The following LRRC27 variants were observed in gnomAD, a reference collection of about 807,000 sequenced individuals.
LRRC27 encodes the protein leucine-rich repeat-containing protein 27.
A neutral mutation model predicts 55.0 loss-of-function variants in LRRC27; 57 were observed. The observed-to-expected ratio is 1.04, with a 90% CI of 0.84 to 1.29. LRRC27 has a LOEUF of 1.29. Among genes scored for constraint, LRRC27 ranks in the 50% most tolerant of loss-of-function variants. The pLI is 0.00. For missense variants in LRRC27, 721 were observed against 651.5 expected (o/e 1.11, Z -1.16); for synonymous variants, 278 against 251.9 (o/e 1.10, Z -0.98).
At chr10:132,351,168 A>G in intron 6 of LRRC27, 1 of 168,080 alleles carries the variant, frequency 5.9e-6, no homozygotes, top group Non-Finnish European at 1.3e-5. Flanking sequence ...CTGCTGCAGC[A>G]CCACCCCATG....
intron 7 of LRRC27, chr10:132,352,750 C>T (rs2068111818): frequency 7.4e-6 from 7 of 949,038 alleles, no homozygotes; most frequent in Admixed American, 2.1e-5. Flanking sequence ...TGTTTGCAGC[C>T]CCGAGGCCTC....
intron 2 of LRRC27, among the ~76,000 whole-genome samples, chr10:132,336,475 G>A (rs1289036638): frequency 1.3e-5 from 2 of 152,220 alleles, no homozygotes; most frequent in Non-Finnish European, 2.9e-5. Flanking sequence ...TTTCCAGTCA[G>A]TGTTTCTCCA....
In LRRC27 at chr10:132,348,259, G is replaced by T. The variant is rs145852868; in HGVS notation, c.829G>T (p.Val277Phe). ...QEIVEHVKAD[V>F]LGDQLLTREL... is the part of the protein sequence containing the mutation. ...GATTGTTGAGCACGTGAAGGCAGAC[G>T]TTCTGGGAGATCAGCTCTTGACGAG... The change falls in exon 6 of 11, where the codon GTT becomes TTT. Residue 277 changes from valine (V) to phenylalanine (F), a missense_variant. Transcript: ENST00000368614. The surrounding 1 kb of genome is among the most constrained non-coding windows in gnomAD (Gnocchi z 4.2). 2.5e-6 allele frequency: 4 copies of T among 1,613,960 alleles called. No homozygotes were observed. Among genetic ancestry groups the T allele is most frequent in the African/African-American group, 1.3e-5 (1 of 74,926 alleles).
At chr10:132,373,016 C>T (rs1302598826) in intron 10 of LRRC27, among the ~76,000 whole-genome samples, 1 of 152,054 alleles carries the variant, frequency 6.6e-6, no homozygotes, top group Non-Finnish European at 1.5e-5. Context: ...CGAATGGATG[C>T]GAACATTAGG....
chr10:132,360,827 T>C (rs2068579658), intron 8 of LRRC27, among the ~76,000 whole-genome samples: 1 of 152,148 alleles, frequency 6.6e-6, no homozygotes, highest in East Asian at 1.9e-4. Context: ...CTCCTACCTG[T>C]TTTTGTCATC....
rs1471319359 is a variant in LRRC27, at chr10:132,364,396, T to C, written c.1290-1028T>C. Among the ~76,000 whole-genome samples the C allele has an allele frequency of 8.3e-4, 61 of 73,914 alleles. 1 individual carries two copies. Among genetic ancestry groups the C allele is most frequent in the East Asian group, 8.0e-3 (12 of 1,504 alleles). 48.5% of individuals were successfully genotyped at this position (73,914 alleles called of 152,430 possible). A position where few individuals can be genotyped will look rare whatever the true frequency, so the allele number is the denominator to read the frequency against. On this transcript the variant is annotated intron_variant, in intron 9 of 10. Transcript: ENST00000368614. Reference sequence around the variant, plus strand: ...ACCCACCCACACTTACACCCACCCTTACATCTACCTCCACACCCGCGCTTA... The same window carrying C: ...ACCCACCCACACTTACACCCACCCTCACATCTACCTCCACACCCGCGCTTA...
chr10:132,346,537 G>A (rs1283207350), intron 5 of LRRC27, among the ~76,000 whole-genome samples: 4 of 152,178 alleles, frequency 2.6e-5, no homozygotes, highest in South Asian at 2.1e-4. Flanking sequence ...TTAGTTGGGC[G>A]TGGTCGTGGG....
intron 10 of LRRC27, chr10:132,366,694 C>T (rs1564857783): frequency 7.1e-6 from 3 of 423,452 alleles, no homozygotes; most frequent in Non-Finnish European, 7.0e-6. Context: ...GTACCATGCC[C>T]GAACACAGGT....
chr10:132,338,233 T>C (rs375023811), intron 3 of LRRC27, among the ~76,000 whole-genome samples: 1 of 152,102 alleles, frequency 6.6e-6, no homozygotes, highest in East Asian at 1.9e-4. Flanking sequence ...GGAGAATTGC[T>C]TGACCCCAGG....
intron 10 of LRRC27, chr10:132,366,906 C>T: frequency 7.8e-7 from 1 of 1,285,286 alleles, no homozygotes; most frequent in Non-Finnish European, 1.0e-6. Context: ...ATGGAGACCC[C>T]ACCCAACCTG....
Position 132,380,703 on chromosome 10 carries a change from G to A in LRRC27, c.*5461G>A, listed in dbSNP as rs527873700. ...GATGTTCTTGTGTATTTTTCATGTT[G>A]AGCGCAATACTGTAAACCTTGAAGA... On this transcript the variant is annotated 3_prime_UTR_variant, in exon 11 of 11. Transcript: ENST00000368614. Among the ~76,000 whole-genome samples the A allele has an allele frequency of 3.0e-3, 464 of 152,294 alleles. 1 individual carries two copies. The highest frequency in any genetic ancestry group is 6.8e-3 in the Middle Eastern group (2 of 294).
upstream of LRRC27, chr10:132,331,829 C>T: frequency 6.5e-7 from 1 of 1,538,252 alleles, no homozygotes; most frequent in Non-Finnish European, 8.8e-7. Context: ...CCTTCAAGGC[C>T]GCGGGCGCGG....
At chr10:132,345,011 C>A in intron 5 of LRRC27, 1 of 182,328 alleles carries the variant, frequency 5.5e-6, no homozygotes, top group Non-Finnish European at 1.2e-5. Flanking sequence ...TGAAATATTC[C>A]TTATTCCTAA....
chr10:132,352,748 G>A (rs140448244), intron 7 of LRRC27: 16,160 of 928,802 alleles, frequency 0.017, 212 homozygotes, highest in Non-Finnish European at 0.023. Context: ...CTTGTTTGCA[G>A]CCCCGAGGCC....
chr10:132,332,195 T>G lies in LRRC27; in HGVS notation c.-110T>G, dbSNP rs941993061. The G allele has an allele frequency of 2.6e-5, 4 of 155,992 alleles. No individual in the cohort carries two copies. The highest frequency in any genetic ancestry group is 7.2e-5 in the African/African-American group (3 of 41,538). The allele number at this position is 155,992 out of a possible 1,614,324, so 9.7% of individuals were successfully genotyped here. A position where few individuals can be genotyped will look rare whatever the true frequency, so the allele number is the denominator to read the frequency against. ...ACCGCGTTGGCTGGGTGGCCTCCATTGTCGGGCTGCTGCTCTCAGCGGCGG... is the reference window on the plus strand; with the variant it reads ...ACCGCGTTGGCTGGGTGGCCTCCATGGTCGGGCTGCTGCTCTCAGCGGCGG... On this transcript the variant is annotated 5_prime_UTR_variant, in exon 1 of 11. It adds an upstream start codon to the 5' untranslated region. Coordinates refer to ENST00000368614, the MANE Select transcript of LRRC27 (RefSeq NM_030626.3).
chr10:132,340,423 C>A (rs1374221204), intron 3 of LRRC27, among the ~76,000 whole-genome samples: 2 of 152,152 alleles, frequency 1.3e-5, no homozygotes, highest in African/African-American at 4.8e-5. Flanking sequence ...TGGGCCAGAA[C>A]CTTTCTGCCT....
intron 7 of LRRC27, 93 bp downstream of exon 7, chr10:132,351,846 G>C (rs2068029910): frequency 2.2e-6 from 3 of 1,387,000 alleles, no homozygotes; most frequent in Admixed American, 2.5e-5. Context: ...TCGTGGAAGT[G>C]TTTAGTTAGT....
chr10:132,347,891 C>A (rs971250750), intron 5 of LRRC27, 93 bp from the exon 6 acceptor site: 4 of 1,453,496 alleles, frequency 2.8e-6, no homozygotes, highest in African/African-American at 2.8e-5. Flanking sequence ...GGGCACCCCA[C>A]CCCCCACCAT....
chr10:132,352,542 TGCTGAGGCCTCCGTGTGGGGCAGGC>T lies in LRRC27; in HGVS notation c.1073+842_1073+866del, dbSNP rs1433737306. Among the ~76,000 whole-genome samples the T allele has an allele frequency of 5.0e-3, 170 of 34,342 alleles. 7 individuals are homozygous for T. Among genetic ancestry groups the T allele is most frequent in the Admixed American group, 8.0e-3 (25 of 3,118 alleles). The allele number at this position is 34,342 out of a possible 152,430, so 22.5% of individuals were successfully genotyped here. Reference sequence around the variant, plus strand: ...GGTGCAGCGCTCCGTGTGGGGCAGATGCTGAGGCCTCCGTGTGGGGCAGGCGCTGAGGCCTCCGTGTGGGGCAGGC... The same window carrying T: ...GGTGCAGCGCTCCGTGTGGGGCAGATGCTGAGGCCTCCGTGTGGGGCAGGC... On this transcript the variant is annotated intron_variant, in intron 7 of 10. Coordinates refer to ENST00000368614, the MANE Select transcript of LRRC27 (RefSeq NM_030626.3).
Sources: allele counts gnomAD v4.1 joint callset (sites outside exome capture counted in the v4.1 genomes callset), GRCh38; gene constraint gnomAD v4.1.1; non-coding constraint Gnocchi (gnomAD v3.1); transcripts MANE v1.5; gene names NCBI Gene and HGNC (gene_info 2026-07-23, HGNC 2026-07-21).